The following DERL2 variants were observed in gnomAD, a reference collection of about 807,000 sequenced individuals.
DERL2 encodes derlin 2.
A neutral mutation model predicts 32.0 loss-of-function variants in DERL2; 13 were observed. The ratio of observed to expected loss-of-function variants is 0.41; its 90% confidence interval spans 0.26 to 0.65. The LOEUF (loss-of-function observed/expected upper bound fraction) is 0.65, where lower values mean the gene tolerates loss of function less well. Ranked by LOEUF, DERL2 falls within the 30% of genes least tolerant of loss-of-function variation. The pLI is 0.35. For missense variants in DERL2, 208 were observed against 296.3 expected (o/e 0.70, Z 2.19); for synonymous variants, 111 against 104.7 (o/e 1.06, Z -0.37).
chr17:5,483,442 G>T (rs990484461), intron 2 of DERL2, among the ~76,000 whole-genome samples: 1 of 151,204 alleles, frequency 6.6e-6, no homozygotes, highest in Non-Finnish European at 1.5e-5. Flanking sequence ...GCCTCCCAAA[G>T]TGCTGGGATT....
At chr17:5,485,551 G>C (rs963964966) in intron 1 of DERL2, among the ~76,000 whole-genome samples, 2 of 152,320 alleles carry the variant, frequency 1.3e-5, no homozygotes, top group African/African-American at 4.8e-5. Flanking sequence ...GGCACCACCT[G>C]AAACAGCTGT....
rs767757387 is a variant in DERL2 at position 5,474,695 on chromosome 17, G to C, written c.709C>G (p.Leu237Val). The C allele has an allele frequency of 5.0e-6, 8 of 1,610,636 alleles. No homozygotes were observed. In the Admixed American group the frequency reaches 1.3e-4, roughly 27 times the overall value. The stretch of plus-strand genomic sequence containing the variant: ...TTGGCACTGCTGCTTTAACCTCCAA[G>C]CCGCTGGCCCTCACCCCAGGCGAAG... ...GGFAWGEGQR[L>V]GG Residue 237 changes from leucine to valine, a missense_variant, in exon 7 of 7, where the codon CTT becomes GTT. Transcript: ENST00000158771. The surrounding 1 kb of genome is among the most constrained non-coding windows in gnomAD (Gnocchi z 4.3).
chr17:5,485,079 C>T, intron 2 of DERL2, 72 bp downstream of exon 2: 8 of 1,130,462 alleles, frequency 7.1e-6, no homozygotes, highest in South Asian at 2.9e-5. Flanking sequence ...TAGTGTATAA[C>T]AGGATTTGCT....
In DERL2 at chr17:5,474,282, A is replaced by G. The variant is rs1392480029; in HGVS notation, c.*402T>C. On this transcript the variant is annotated 3_prime_UTR_variant, in exon 7 of 7. Coordinates refer to ENST00000158771, the MANE Select transcript of DERL2 (RefSeq NM_016041.5). The surrounding 1 kb of genome is among the most constrained non-coding windows in gnomAD (Gnocchi z 4.3). ...CAGAATTTAAAAGATCACACACAAAAGCTTTAATACAGTGAGAGAAAAATG... is the reference window on the plus strand; with the variant it reads ...CAGAATTTAAAAGATCACACACAAAGGCTTTAATACAGTGAGAGAAAAATG... 6.5e-6 allele frequency: 1 copy of G among 155,014 alleles called. No homozygotes were observed. The highest frequency in any genetic ancestry group is 1.9e-4 in the East Asian group (1 of 5,304). The allele number at this position is 155,014 out of a possible 1,614,324, so 9.6% of individuals were successfully genotyped here.
intron 6 of DERL2, among the ~76,000 whole-genome samples, chr17:5,476,637 C>T (rs558327329): frequency 5.2e-4 from 79 of 152,186 alleles, no homozygotes; most frequent in African/African-American, 1.6e-3. Context: ...CAAAATTAGC[C>T]GGGTGTGGTG....
chr17:5,485,889 T>A, intron 1 of DERL2, 180 bp downstream of exon 1: 1 of 486,066 alleles, frequency 2.1e-6, no homozygotes, highest in Non-Finnish European at 3.6e-6. Flanking sequence ...CAGCACTCCC[T>A]TCTCGCGTCA....
At chr17:5,483,313 A>T (rs745719510) in intron 2 of DERL2, among the ~76,000 whole-genome samples, 3 of 151,840 alleles carry the variant, frequency 2.0e-5, no homozygotes, top group Non-Finnish European at 4.4e-5. Context: ...GAAACATCTA[A>T]AAGAAAGGAA....
At chr17:5,486,405 C>T (rs529749471), upstream of DERL2, 66 of 448,820 alleles carry the variant, frequency 1.5e-4, no homozygotes, top group African/African-American at 1.4e-3. Context: ...CACCAGCCAA[C>T]GTCCGGGAAA....
At chr17:5,477,420 T>TA (rs1329000198) in intron 6 of DERL2, among the ~76,000 whole-genome samples, 11 of 152,208 alleles carry the variant, frequency 7.2e-5, no homozygotes, top group Admixed American at 7.2e-4. Context: ...TCTGTCTTGA[T>TA]AGATACACAG....
chr17:5,482,557 T>G, intron 3 of DERL2: 2 of 329,682 alleles, frequency 6.1e-6, no homozygotes. Context: ...AATTCTCCCC[T>G]CCCTTGATCA....
chr17:5,481,473 TTC>T lies in DERL2; in HGVS notation c.234-86_234-85del, dbSNP rs1905779126. On this transcript the variant is annotated intron_variant, in intron 3 of 6. Transcript: ENST00000158771. This position sits in a 1 kb window ranked among gnomAD's most constrained non-coding sequence, Gnocchi z 4.4. ...ATGTTATCTTGTAAGTACACTTGGA[TTC>T]CATATTATTTGTAATTAGTCAAGTC... 1.1e-6 allele frequency: 1 copy of T among 912,266 alleles called. No individual in the cohort carries two copies. Among genetic ancestry groups the T allele is most frequent in the East Asian group, 2.5e-5 (1 of 40,366 alleles). 56.5% of individuals were successfully genotyped at this position (912,266 alleles called of 1,614,324 possible).
chr17:5,479,949 A>G (rs944554643), intron 6 of DERL2, 105 bp downstream of exon 6: 5 of 694,738 alleles, frequency 7.2e-6, no homozygotes, highest in Non-Finnish European at 1.3e-5. Flanking sequence ...ATGGTTACTG[A>G]CCTGAGCTAT....
chr17:5,475,422 G>A (rs1905320150), intron 6 of DERL2, among the ~76,000 whole-genome samples: 1 of 151,414 alleles, frequency 6.6e-6, no homozygotes, highest in African/African-American at 2.4e-5. Flanking sequence ...ACCACGCCCG[G>A]CTGATTTTTG....
At chr17:5,486,460 G>T, upstream of DERL2, 1 of 290,602 alleles carries the variant, frequency 3.4e-6, no homozygotes, top group Non-Finnish European at 6.4e-6. Context: ...GCCGGCCACA[G>T]CTAACTTTCC....
rs769715099 is a variant in DERL2 at position 5,482,789 on chromosome 17, C to A, written c.233+20G>T. Reference sequence around the variant, plus strand: ...TCCTAAGAAAAAGTTTTGATGCTGACCCCATTTAATAAAGGATACAGAAAA... The same window carrying A: ...TCCTAAGAAAAAGTTTTGATGCTGAACCCATTTAATAAAGGATACAGAAAA... On this transcript the variant is annotated intron_variant, in intron 3 of 6. Transcript: ENST00000158771. 1 of 1,338,686 alleles carries A rather than the reference C, an allele frequency of 7.5e-7. No homozygotes were observed. The highest frequency in any genetic ancestry group is 2.2e-5 in the Admixed American group (1 of 44,612). 82.9% of individuals were successfully genotyped at this position (1,338,686 alleles called of 1,614,324 possible). A position where few individuals can be genotyped will look rare whatever the true frequency, so the allele number is the denominator to read the frequency against.
chr17:5,475,416 C>T (rs917785641), intron 6 of DERL2, among the ~76,000 whole-genome samples: 2 of 151,950 alleles, frequency 1.3e-5, no homozygotes, highest in African/African-American at 2.4e-5. Context: ...CCCGCCACCA[C>T]GCCCGGCTGA....
intron 6 of DERL2, among the ~76,000 whole-genome samples, chr17:5,476,885 C>A (rs998386665): frequency 2.0e-5 from 3 of 152,122 alleles, no homozygotes; most frequent in Admixed American, 6.5e-5. Flanking sequence ...GTCAAGAGCC[C>A]CATCAGACCA....
At chr17:5,480,928 C>T (rs896725508) in intron 4 of DERL2, 1 of 487,164 alleles carries the variant, frequency 2.1e-6, no homozygotes, top group Admixed American at 3.8e-5. Flanking sequence ...TGGAACAAAA[C>T]CATCTTGTCA....
rs763090283 is a variant in DERL2 at position 5,480,484 on chromosome 17, G to A, written c.426C>T (p.Asn142=). The A allele has an allele frequency of 1.2e-6, 2 of 1,612,314 alleles. No individual in the cohort carries two copies. Among genetic ancestry groups the A allele is most frequent in the African/African-American group, 1.3e-5 (1 of 74,734 alleles). ...WSRRNPYVRM[N]FFGLLNFQAP... is the part of the protein sequence containing the mutation. ...CCTGGAAGTTGAGAAGGCCGAAGAA[G>A]TTCATGCGGACATAGGGGTTCCTTC... Residue 142 remains asparagine, a synonymous_variant, in exon 5 of 7, where the codon AAC becomes AAT. Coordinates refer to ENST00000158771, the MANE Select transcript of DERL2 (RefSeq NM_016041.5).
Sources: allele counts gnomAD v4.1 joint callset (sites outside exome capture counted in the v4.1 genomes callset), GRCh38; gene constraint gnomAD v4.1.1; non-coding constraint Gnocchi (gnomAD v3.1); transcripts MANE v1.5; gene names NCBI Gene and HGNC (gene_info 2026-07-23, HGNC 2026-07-21).